BAIAP2L1: variants seen among roughly 807,000 people sequenced by gnomAD.
BAIAP2L1 encodes BAR/IMD domain containing adaptor protein 2 like 1.
A neutral mutation model predicts 66.3 loss-of-function variants in BAIAP2L1; 35 were observed. The observed-to-expected ratio is 0.53, with a 90% CI of 0.40 to 0.70. The LOEUF is 0.70. Among genes scored for constraint, BAIAP2L1 ranks in the 30% least tolerant of loss-of-function variants. The pLI, the probability that BAIAP2L1 is intolerant of heterozygous loss-of-function variation, is 0.00. For synonymous variants in BAIAP2L1, 269 were observed against 248.7 expected, an observed-to-expected ratio of 1.08 and a Z score of -0.77; for missense variants, 622 against 656.9, an observed-to-expected ratio of 0.95 and a Z score of 0.58.
intron 5 of BAIAP2L1, among the ~76,000 whole-genome samples, chr7:98,319,242 C>A (rs1801172400): frequency 6.6e-6 from 1 of 152,084 alleles, no homozygotes; most frequent in Non-Finnish European, 1.5e-5. Flanking sequence ...TGGCAAGAGC[C>A]CTCAATACCG....
intron 2 of BAIAP2L1, 168 bp from the exon 3 acceptor site, chr7:98,355,296 T>C (rs1014917357): frequency 2.6e-5 from 16 of 617,608 alleles, no homozygotes; most frequent in Non-Finnish European, 4.4e-5. Flanking sequence ...GGTGCCGGGG[T>C]GGAGGCCCTC....
At position 98,317,298 on chromosome 7, in the gene BAIAP2L1, G is replaced by T; in HGVS notation, c.407C>A (p.Ser136Tyr). ...HKNKLESLEKSQAELKKIRRK... is the reference protein window; with the variant it reads ...HKNKLESLEKYQAELKKIRRK... The stretch of plus-strand genomic sequence containing the variant: ...TCTGATCTTCTTCAACTCAGCTTGG[G>T]ATTTCTCCAAAGACTCTAATTTATT... Residue 136 changes from serine to tyrosine, a missense_variant, in exon 6 of 14, where the codon TCC becomes TAC. Coordinates refer to ENST00000005260, the MANE Select transcript of BAIAP2L1 (RefSeq NM_018842.5). 1 of 1,614,196 alleles carries T rather than the reference G, an allele frequency of 6.2e-7. No homozygotes were observed. The highest frequency in any genetic ancestry group is 8.5e-7 in the Non-Finnish European group (1 of 1,180,014).
At chr7:98,346,268 A>G (rs1196753705) in intron 3 of BAIAP2L1, among the ~76,000 whole-genome samples, 2 of 152,214 alleles carry the variant, frequency 1.3e-5, no homozygotes, top group African/African-American at 4.8e-5. Context: ...AAATTTAAAA[A>G]TACCATTTAC....
At chr7:98,397,008 A>T (rs1422717560) in intron 1 of BAIAP2L1, among the ~76,000 whole-genome samples, 1 of 152,226 alleles carries the variant, frequency 6.6e-6, no homozygotes, top group Non-Finnish European at 1.5e-5. Flanking sequence ...CTTGGAATAC[A>T]AAAACAAAAA....
intron 1 of BAIAP2L1, among the ~76,000 whole-genome samples, chr7:98,391,873 T>C (rs1317880645): frequency 3.3e-5 from 5 of 152,092 alleles, no homozygotes; most frequent in South Asian, 2.1e-4. Flanking sequence ...ACTCTGCACA[T>C]ATCTACAAGT....
intron 1 of BAIAP2L1, among the ~76,000 whole-genome samples, chr7:98,385,198 C>G (rs897134219): frequency 6.6e-6 from 1 of 151,690 alleles, no homozygotes; most frequent in Non-Finnish European, 1.5e-5. Context: ...ATCCCAGCTA[C>G]TCAGGAGGCA....
intron 3 of BAIAP2L1, among the ~76,000 whole-genome samples, chr7:98,347,439 G>A (rs570088121): frequency 6.6e-6 from 1 of 152,216 alleles, no homozygotes; most frequent in South Asian, 2.1e-4. Flanking sequence ...ATGCAAAACA[G>A]GGCTGCCTGT....
chr7:98,337,851 G>T (rs1160170338), intron 3 of BAIAP2L1, among the ~76,000 whole-genome samples: 1 of 152,168 alleles, frequency 6.6e-6, no homozygotes, highest in Non-Finnish European at 1.5e-5. Context: ...CCAGGAGGTG[G>T]AGGTTGCAGT....
chr7:98,340,959 GTT>G (rs72057720), intron 3 of BAIAP2L1, among the ~76,000 whole-genome samples: 5 of 129,560 alleles, frequency 3.9e-5, no homozygotes, highest in Non-Finnish European at 3.2e-5. Flanking sequence ...CAGCTAATTG[GTT>G]TTTTTTTTTT....
At chr7:98,379,845 T>TACAGAAAAGACAAATCTGTAGAG (rs2115797529) in intron 1 of BAIAP2L1, among the ~76,000 whole-genome samples, 1 of 152,246 alleles carries the variant, frequency 6.6e-6, no homozygotes, top group South Asian at 2.1e-4. Flanking sequence ...TTACAAAAAG[T>TACAGAAAAGACAAATCTGTAGAG]ACAGAAAAGA....
chr7:98,335,734 T>A (rs1209254064), intron 3 of BAIAP2L1, among the ~76,000 whole-genome samples: 5 of 152,136 alleles, frequency 3.3e-5, no homozygotes, highest in Admixed American at 6.5e-5. Flanking sequence ...TGCTGCCAGC[T>A]CCCCCGCTGG....
rs59633894 is a variant in BAIAP2L1, at chr7:98,305,047, G to GTTTTTTT, written c.1242-678_1242-672dup. The stretch of plus-strand genomic sequence containing the variant: ...CGCCCAGCTAATTTTTTTGTTTTTT[G>GTTTTTTT]TTTTTTTTTTTTTTTTTTTTTTTAG... On this transcript the variant is annotated intron_variant, in intron 11 of 13. Coordinates refer to ENST00000005260, the MANE Select transcript of BAIAP2L1 (RefSeq NM_018842.5). 8.3e-4 allele frequency among the ~76,000 whole-genome samples: 83 copies of GTTTTTTT among 100,338 alleles called. 3 individuals carry two copies. Among genetic ancestry groups the GTTTTTTT allele is most frequent in the East Asian group, 2.1e-3 (6 of 2,804 alleles). The allele number at this position is 100,338 out of a possible 152,430, so 65.8% of individuals were successfully genotyped here. A position where few individuals can be genotyped will look rare whatever the true frequency, so the allele number is the denominator to read the frequency against.
At chr7:98,355,212 G>T in intron 2 of BAIAP2L1, 84 bp from the exon 3 acceptor site, 1 of 925,538 alleles carries the variant, frequency 1.1e-6, no homozygotes, top group Non-Finnish European at 1.7e-6. Flanking sequence ...AACACCCCCT[G>T]GTCCCTTCTG....
intron 1 of BAIAP2L1, among the ~76,000 whole-genome samples, chr7:98,363,738 C>T (rs960218763): frequency 1.3e-5 from 2 of 152,152 alleles, no homozygotes; most frequent in African/African-American, 4.8e-5. Flanking sequence ...GTCTCACCGA[C>T]CCCTTCCCCA....
chr7:98,340,388 C>T (rs564493129), intron 3 of BAIAP2L1, among the ~76,000 whole-genome samples: 20 of 152,218 alleles, frequency 1.3e-4, no homozygotes, highest in African/African-American at 3.6e-4. Context: ...CCCGGGTTCA[C>T]GCCATTCTCT....
In BAIAP2L1 at chr7:98,303,348, C is replaced by T. The variant is rs556752411; in HGVS notation, c.1422+848G>A. ...CCCCAAAGCAAGACAGCTCCTGGAG[C>T]GAGGGGTGCAGACACCACCACCCAG... On this transcript the variant is annotated intron_variant, in intron 12 of 13. Coordinates refer to ENST00000005260, the MANE Select transcript of BAIAP2L1 (RefSeq NM_018842.5). Among the ~76,000 whole-genome samples the T allele has an allele frequency of 2.8e-3, 424 of 152,232 alleles. 2 individuals are homozygous for T. Among genetic ancestry groups the T allele is most frequent in the Non-Finnish European group, 4.7e-3 (318 of 68,010 alleles).
At chr7:98,379,385 A>G (rs897319665) in intron 1 of BAIAP2L1, among the ~76,000 whole-genome samples, 8 of 152,166 alleles carry the variant, frequency 5.3e-5, no homozygotes. Context: ...CTACAGACAC[A>G]AAGGCCCCGT....
intron 3 of BAIAP2L1, among the ~76,000 whole-genome samples, chr7:98,337,453 A>G (rs1401805728): frequency 6.6e-6 from 1 of 151,984 alleles, no homozygotes; most frequent in Non-Finnish European, 1.5e-5. Context: ...ATGGTCTTGA[A>G]CTCCTGATCT....
chr7:98,312,237 G>A lies in BAIAP2L1; in HGVS notation c.667C>T (p.Pro223Ser), dbSNP rs1433608026. 1.2e-6 allele frequency: 2 copies of A among 1,613,118 alleles called. No homozygotes were observed. Among genetic ancestry groups the A allele is most frequent in the Admixed American group, 3.3e-5 (2 of 59,724 alleles). Residue 223 changes from proline to serine, a missense_variant, in exon 8 of 14, where the codon CCT becomes TCT. Physicochemically the swap from Pro to Ser is moderately conservative, Grantham distance 74. Coordinates refer to ENST00000005260, the MANE Select transcript of BAIAP2L1 (RefSeq NM_018842.5). The stretch of plus-strand genomic sequence containing the variant: ...TCAACACAGGTCTCCTGCCACCGAG[G>A]CAGCTTGGAATTCAGTAGTTCTGCA... ...QSAELLNSKL[P>S]RWQETCVDAI... is the part of the protein sequence containing the mutation.
Sources: gnomAD v4.1 joint callset for allele counts (sites outside exome capture counted in the v4.1 genomes callset) on GRCh38, gnomAD v4.1.1 for gene constraint, MANE v1.5 for transcripts, NCBI Gene and HGNC (gene_info 2026-07-23, HGNC 2026-07-21) for gene names.